GPC5: variants seen among roughly 807,000 people sequenced by gnomAD.
GPC5 encodes the protein glypican 5, also known as glypican-5.
A neutral mutation model predicts 53.9 loss-of-function variants in GPC5; 47 were observed. The ratio of observed to expected loss-of-function variants is 0.87; its 90% CI spans 0.69 to 1.11. The LOEUF is 1.11. GPC5 is among the 50% of genes most tolerant of loss of function. The probability of loss-of-function intolerance (pLI) is 0.00; values close to 1 mark genes in which losing one functional copy is unlikely to be tolerated. For missense variants in GPC5, 748 were observed against 713.1 expected (o/e 1.05, Z -0.56); for synonymous variants, 286 against 263.3 (o/e 1.09, Z -0.84).
intron 7 of GPC5, among the ~76,000 whole-genome samples, chr13:92,666,015 A>C (rs971614917): frequency 2.6e-5 from 4 of 152,224 alleles, no homozygotes; most frequent in Admixed American, 6.5e-5. Context: ...AGGCATCACT[A>C]GCATGTGAGT....
chr13:91,899,889 G>A (rs371933172), intron 5 of GPC5, among the ~76,000 whole-genome samples: 73 of 152,178 alleles, frequency 4.8e-4, no homozygotes, highest in African/African-American at 1.6e-3. Flanking sequence ...AGAACTGTGA[G>A]AGAATATATT....
At position 92,748,943 on chromosome 13, in the gene GPC5, T is replaced by C. The variant is rs1327479577; in HGVS notation, c.1562-117339T>C. Among the ~76,000 whole-genome samples the C allele has an allele frequency of 2.0e-5, 3 of 152,192 alleles. No individual in the cohort carries two copies. The East Asian group carries it at 5.8e-4, about 29-fold the overall frequency. ...TTATCTTTTCTAATGAAATTGTGAATACCACTTTAATCAAAAGAATATCAG... is the reference window on the plus strand; with the variant it reads ...TTATCTTTTCTAATGAAATTGTGAACACCACTTTAATCAAAAGAATATCAG... On this transcript the variant is annotated intron_variant, in intron 7 of 7. Coordinates refer to ENST00000377067, the MANE Select transcript of GPC5 (RefSeq NM_004466.6).
intron 7 of GPC5, among the ~76,000 whole-genome samples, chr13:92,356,871 C>T (rs1411952133): frequency 6.6e-6 from 1 of 152,158 alleles, no homozygotes; most frequent in Non-Finnish European, 1.5e-5. Flanking sequence ...CCCCACTCCA[C>T]CTTCAAGTAG....
chr13:91,823,481 G>T (rs1045740748), intron 5 of GPC5, among the ~76,000 whole-genome samples: 6 of 151,972 alleles, frequency 3.9e-5, no homozygotes, highest in Non-Finnish European at 1.5e-5. Flanking sequence ...GTAAATTAAT[G>T]CTCCCACTTC....
chr13:91,913,480 A>G (rs1286156610), intron 6 of GPC5, among the ~76,000 whole-genome samples: 1 of 151,896 alleles, frequency 6.6e-6, no homozygotes, highest in Non-Finnish European at 1.5e-5. Flanking sequence ...ATTTTATTTC[A>G]TCATTTAGGA....
chr13:92,491,628 C>T (rs1879764713), intron 7 of GPC5, among the ~76,000 whole-genome samples: 1 of 152,042 alleles, frequency 6.6e-6, no homozygotes, highest in Non-Finnish European at 1.5e-5. Flanking sequence ...AGAATTAGTG[C>T]ACTTGGCCAA....
intron 6 of GPC5, among the ~76,000 whole-genome samples, chr13:92,008,940 T>C (rs974869457): frequency 2.0e-5 from 3 of 152,198 alleles, no homozygotes; most frequent in Non-Finnish European, 4.4e-5. Flanking sequence ...CCTTCCGCTA[T>C]ATCCAATATG....
chr13:92,523,851 T>A (rs1191860630), intron 7 of GPC5, among the ~76,000 whole-genome samples: 1 of 152,128 alleles, frequency 6.6e-6, no homozygotes, highest in African/African-American at 2.4e-5. Flanking sequence ...AAAGTAATGT[T>A]TAGATTATAC....
At chr13:91,865,628 C>A (rs1159859147) in intron 5 of GPC5, among the ~76,000 whole-genome samples, 1 of 152,154 alleles carries the variant, frequency 6.6e-6, no homozygotes, top group Admixed American at 6.5e-5. Flanking sequence ...TCTGGCACTT[C>A]AAATATCCCA....
rs1566368922 is a variant in GPC5 at position 92,697,112 on chromosome 13, A to AGT, written c.1562-169169_1562-169168dup. ...TTTGGTTACTGTAGCCTTGTAGCAT[A>AGT]GTTTGAAGTCAGGTAGCGTGATGCC... On this transcript the variant is annotated intron_variant, in intron 7 of 7. Coordinates refer to ENST00000377067, the MANE Select transcript of GPC5 (RefSeq NM_004466.6). Among the ~76,000 whole-genome samples, 17 of 150,240 alleles carry AGT rather than the reference A, an allele frequency of 1.1e-4. No homozygotes were observed. In the South Asian group the frequency reaches 2.1e-3, roughly 19 times the overall value.
At chr13:92,416,493 T>C (rs1048824927) in intron 7 of GPC5, among the ~76,000 whole-genome samples, 3 of 152,156 alleles carry the variant, frequency 2.0e-5, no homozygotes, top group Non-Finnish European at 4.4e-5. Flanking sequence ...TTTCAACAAA[T>C]GGTGCTGGGA....
At chr13:92,233,825 C>T (rs1420738598) in intron 7 of GPC5, among the ~76,000 whole-genome samples, 1 of 151,612 alleles carries the variant, frequency 6.6e-6, no homozygotes, top group Non-Finnish European at 1.5e-5. Context: ...CACCCCACAA[C>T]AGTCCCCGGT....
intron 5 of GPC5, among the ~76,000 whole-genome samples, chr13:91,868,230 G>A (rs1214892184): frequency 3.3e-5 from 5 of 152,176 alleles, no homozygotes; most frequent in Non-Finnish European, 4.4e-5. Context: ...CTTTAGTGAA[G>A]AATTTAGGAA....
At chr13:92,610,108 C>T (rs1431129282) in intron 7 of GPC5, among the ~76,000 whole-genome samples, 3 of 147,206 alleles carry the variant, frequency 2.0e-5, no homozygotes, top group Admixed American at 1.4e-4. Flanking sequence ...ACTTTGTGTT[C>T]AAAGATTTTT....
intron 5 of GPC5, among the ~76,000 whole-genome samples, chr13:91,785,245 G>A (rs1170006661): frequency 6.6e-6 from 1 of 152,078 alleles, no homozygotes; most frequent in Non-Finnish European, 1.5e-5. Context: ...TGACATTTTG[G>A]GTCAGACAAT....
At chr13:91,786,061 A>T (rs1216515374) in intron 5 of GPC5, among the ~76,000 whole-genome samples, 1 of 152,084 alleles carries the variant, frequency 6.6e-6, no homozygotes, top group Non-Finnish European at 1.5e-5. Context: ...TAGTGGCACG[A>T]TCTCAGCTCA....
chr13:92,586,279 T>C (rs1265040255), intron 7 of GPC5, among the ~76,000 whole-genome samples: 1 of 152,192 alleles, frequency 6.6e-6, no homozygotes, highest in Non-Finnish European at 1.5e-5. Context: ...TAGGTGAGGC[T>C]GAAAGATATT....
intron 7 of GPC5, among the ~76,000 whole-genome samples, chr13:92,839,477 C>T (rs1284595719): frequency 1.3e-5 from 2 of 152,086 alleles, no homozygotes; most frequent in East Asian, 3.9e-4. Flanking sequence ...CAACAGGCCC[C>T]AATGTGTGTT....
intron 2 of GPC5, among the ~76,000 whole-genome samples, chr13:91,547,347 T>G (rs1178635746): frequency 6.6e-6 from 1 of 151,988 alleles, no homozygotes; most frequent in African/African-American, 2.4e-5. Context: ...CATGGACATT[T>G]AAAGGATAAT....
Sources: gnomAD v4.1 joint callset for allele counts (sites outside exome capture counted in the v4.1 genomes callset) on GRCh38, gnomAD v4.1.1 for gene constraint, MANE v1.5 for transcripts, NCBI Gene and HGNC (gene_info 2026-07-23, HGNC 2026-07-21) for gene names.